The following KIAA1671 variants were observed in gnomAD, a reference collection of about 807,000 sequenced individuals.
The protein encoded by KIAA1671 is KIAA1671.
A neutral mutation model predicts 131.2 loss-of-function variants in KIAA1671; 52 were observed. That is an observed-to-expected ratio of 0.40 (90% CI 0.32 to 0.50). The LOEUF is 0.50. Among genes scored for constraint, KIAA1671 ranks in the 20% least tolerant of loss-of-function variants. The pLI is 0.73. For synonymous variants in KIAA1671, 1,003 were observed against 961.6 expected, an observed-to-expected ratio of 1.04 and a Z score of -0.80; for missense variants, 2,360 against 2,364.2, an observed-to-expected ratio of 1.00 and a Z score of 0.04.
intron 6 of KIAA1671, among the ~76,000 whole-genome samples, chr22:25,080,082 C>A (rs949731433): frequency 3.9e-5 from 6 of 152,078 alleles, no homozygotes; most frequent in African/African-American, 1.4e-4. Flanking sequence ...TTGCCATCTG[C>A]TAAAAGATGG....
intron 1 of KIAA1671, among the ~76,000 whole-genome samples, chr22:24,999,728 A>G (rs1569202338): frequency 1.4e-5 from 2 of 147,174 alleles, no homozygotes; most frequent in Non-Finnish European, 3.0e-5. Context: ...ATGCCTGGCT[A>G]ACTGTTCAGT....
chr22:25,141,483 C>T (rs527531894), intron 6 of KIAA1671, among the ~76,000 whole-genome samples: 86 of 152,298 alleles, frequency 5.6e-4, no homozygotes, highest in Middle Eastern at 6.8e-3. Flanking sequence ...CCGCCTGCCT[C>T]GGCCTCCCAA....
At chr22:25,121,893 T>C (rs887244969) in intron 6 of KIAA1671, among the ~76,000 whole-genome samples, 5 of 152,230 alleles carry the variant, frequency 3.3e-5, no homozygotes, top group Non-Finnish European at 7.3e-5. Flanking sequence ...GTTTAATACC[T>C]GGCTCCTGAA....
rs145183793 is a variant in KIAA1671, at chr22:25,098,586, G to C, written c.4530+49222G>C. Among the ~76,000 whole-genome samples, 1,023 of 151,452 alleles carry C rather than the reference G, an allele frequency of 6.8e-3. 7 individuals are homozygous for C. Among genetic ancestry groups the C allele is most frequent in the Middle Eastern group, 0.014 (4 of 292 alleles). On this transcript the variant is annotated intron_variant, in intron 6 of 12. Transcript: ENST00000358431. ...AAGCAAGAAGCATCAAGGCTGCGTA[G>C]GATCTGCAGGCAGCTCTGGGTTGGA... is the stretch of plus-strand genomic sequence containing the variant.
chr22:25,101,342 T>C (rs1041212554), intron 6 of KIAA1671, among the ~76,000 whole-genome samples: 2 of 152,214 alleles, frequency 1.3e-5, no homozygotes, highest in Non-Finnish European at 2.9e-5. Flanking sequence ...TAATTACAGA[T>C]TGGCTTTGCC....
chr22:24,968,524 G>T (rs2123809604), intron 1 of KIAA1671, among the ~76,000 whole-genome samples: 1 of 152,252 alleles, frequency 6.6e-6, no homozygotes, highest in Middle Eastern at 3.4e-3. Flanking sequence ...ATCCACCCCA[G>T]CATCCACACC....
chr22:25,150,860 T>G (rs534604969), intron 6 of KIAA1671, among the ~76,000 whole-genome samples: 40 of 149,000 alleles, frequency 2.7e-4, no homozygotes, highest in Admixed American at 2.5e-3. Context: ...TGAGATGGAG[T>G]CTCACTCCAT....
chr22:25,123,916 A>G (rs1932062184), intron 6 of KIAA1671, among the ~76,000 whole-genome samples: 1 of 152,260 alleles, frequency 6.6e-6, no homozygotes, highest in African/African-American at 2.4e-5. Flanking sequence ...GCTTGTGGAA[A>G]TAGTCCAAGG....
chr22:25,008,160 T>C (rs1032951099), intron 1 of KIAA1671, among the ~76,000 whole-genome samples: 3 of 128,920 alleles, frequency 2.3e-5, no homozygotes, highest in Non-Finnish European at 4.6e-5. Context: ...ATCGCGCCAC[T>C]GCACTCCAGC....
In KIAA1671 at chr22:25,039,458, G is replaced by C; in HGVS notation, c.2328G>C (p.Glu776Asp). 1 of 1,551,814 alleles carries C rather than the reference G, an allele frequency of 6.4e-7. No individual in the cohort carries two copies. Among genetic ancestry groups the C allele is most frequent in the Non-Finnish European group, 8.7e-7 (1 of 1,147,026 alleles). ...LSLKDRQLSQ[E>D]VTPADLECGL... is the part of the protein sequence containing the mutation. ...TGAAGGACAGGCAGCTGTCCCAGGA[G>C]GTCACCCCTGCTGACCTGGAGTGTG... Residue 776 changes from glutamate to aspartate, a missense_variant, in exon 5 of 13, where the codon GAG becomes GAC. Coordinates refer to ENST00000358431, the MANE Select transcript of KIAA1671 (RefSeq NM_001145206.2).
At chr22:24,969,686 T>C (rs561569339) in intron 1 of KIAA1671, among the ~76,000 whole-genome samples, 2 of 152,334 alleles carry the variant, frequency 1.3e-5, no homozygotes, top group South Asian at 4.1e-4. Flanking sequence ...TACATACATA[T>C]TGATTGAGAT....
intron 1 of KIAA1671, among the ~76,000 whole-genome samples, chr22:24,995,892 T>C (rs1437435354): frequency 6.6e-6 from 1 of 152,254 alleles, no homozygotes; most frequent in Admixed American, 6.5e-5. Context: ...TGACTGGCTC[T>C]GGAAGTCCCT....
At chr22:25,157,174 G>T (rs1456295488) in intron 6 of KIAA1671, among the ~76,000 whole-genome samples, 1 of 152,142 alleles carries the variant, frequency 6.6e-6, no homozygotes, top group Non-Finnish European at 1.5e-5. Context: ...TTTTCAAAAT[G>T]TACTTTTTAT....
chr22:25,136,276 A>G (rs1249397399), intron 6 of KIAA1671, among the ~76,000 whole-genome samples: 1 of 152,120 alleles, frequency 6.6e-6, no homozygotes, highest in Non-Finnish European at 1.5e-5. Flanking sequence ...CACAAACACA[A>G]TCAGCATTAT....
In KIAA1671 at chr22:25,029,286, A is replaced by G. The variant is rs928631211; in HGVS notation, c.1287A>G (p.Gly429=). ...CGGATGGGGAGGCCGCGGCAGGGGG[A>G]GAGTGGGCCTCCAGGAGGAGTGTCA... ...RVADGEAAAG[G]EWASRRSVRK... Residue 429 remains glycine (G), a synonymous_variant, in exon 3 of 13, where the codon GGA becomes GGG. Coordinates refer to ENST00000358431, the MANE Select transcript of KIAA1671 (RefSeq NM_001145206.2). 6.6e-7 allele frequency: 1 copy of G among 1,513,034 alleles called. No individual in the cohort carries two copies. Among genetic ancestry groups the G allele is most frequent in the East Asian group, 2.5e-5 (1 of 40,428 alleles). 93.7% of individuals were successfully genotyped at this position (1,513,034 alleles called of 1,614,324 possible).
intron 6 of KIAA1671, among the ~76,000 whole-genome samples, chr22:25,147,531 C>G (rs775024034): frequency 6.6e-6 from 1 of 152,184 alleles, no homozygotes. Flanking sequence ...ACCTCCAGTC[C>G]TTTGCCCTGG....
At chr22:25,096,250 A>C (rs1930383960) in intron 6 of KIAA1671, among the ~76,000 whole-genome samples, 1 of 152,212 alleles carries the variant, frequency 6.6e-6, no homozygotes, top group Non-Finnish European at 1.5e-5. Flanking sequence ...TGTTTGGCAC[A>C]GCCCACACAG....
intron 1 of KIAA1671, among the ~76,000 whole-genome samples, chr22:24,979,722 A>AT (rs1381465475): frequency 6.6e-6 from 1 of 152,076 alleles, no homozygotes; most frequent in Non-Finnish European, 1.5e-5. Context: ...ACCACCATCT[A>AT]TCTCCAGAAC....
At chr22:25,189,077 G>T (rs1568999759) in intron 11 of KIAA1671, among the ~76,000 whole-genome samples, 1 of 151,244 alleles carries the variant, frequency 6.6e-6, no homozygotes, top group African/African-American at 2.4e-5. Context: ...GTGAGGAAGT[G>T]TCGAAGTCCA....
Sources: allele counts gnomAD v4.1 joint callset (sites outside exome capture counted in the v4.1 genomes callset), GRCh38; gene constraint gnomAD v4.1.1; transcripts MANE v1.5; gene names NCBI Gene and HGNC (gene_info 2026-07-23, HGNC 2026-07-21).